Variants in CCDC150 observed in about 807,000 individuals in gnomAD.
CCDC150 encodes the protein coiled-coil domain containing 150.
CCDC150 carries 151 observed loss-of-function variants against 156.5 expected under a neutral mutation model. The observed-to-expected ratio is 0.97, with a 90% CI of 0.85 to 1.10. The LOEUF (loss-of-function observed/expected upper bound fraction) is 1.10. Ranked by LOEUF, CCDC150 falls within the 50% of genes least tolerant of loss-of-function variation. The pLI is 0.00. For synonymous variants in CCDC150, 452 were observed against 429.4 expected (o/e 1.05, Z -0.65); for missense variants, 1,312 against 1,268.1 (o/e 1.03, Z -0.53).
rs1176070601 is a variant in CCDC150, at chr2:196,730,061, A to C, written c.2925A>C (p.Gln975His). The C allele has an allele frequency of 1.2e-6, 2 of 1,613,540 alleles. No individual in the cohort carries two copies. Among genetic ancestry groups the C allele is most frequent in the Non-Finnish European group, 1.7e-6 (2 of 1,179,768 alleles). Residue 975 changes from glutamine to histidine, a missense_variant, in exon 25 of 28, where the codon CAA (glutamine) becomes CAC (histidine). By Grantham distance (24) the Gln-to-His change is conservative. Coordinates refer to ENST00000389175, the MANE Select transcript of CCDC150 (RefSeq NM_001080539.2). The stretch of plus-strand genomic sequence containing the variant: ...ATGCCTCAGTGCGGAATAAACAGCA[A>C]GAGCTGCACCTAGAAGCAGAGCGGA... ...QYDASVRNKQ[Q>H]ELHLEAERKI...
intron 17 of CCDC150, among the ~76,000 whole-genome samples, chr2:196,716,757 G>A (rs1184391779): frequency 6.7e-6 from 1 of 148,976 alleles, no homozygotes; most frequent in Non-Finnish European, 1.5e-5. Context: ...GTAGCTTATT[G>A]TATATCAGTT....
At chr2:196,674,146 A>G (rs1694360995) in intron 9 of CCDC150, 95 bp from the exon 10 acceptor site, 1 of 737,408 alleles carries the variant, frequency 1.4e-6, no homozygotes, top group Non-Finnish European at 2.3e-6. Context: ...TCATATATAC[A>G]GTGAGATACT....
chr2:196,702,757 C>T (rs752791149), intron 15 of CCDC150, among the ~76,000 whole-genome samples: 2 of 151,442 alleles, frequency 1.3e-5, no homozygotes, highest in African/African-American at 4.9e-5. Flanking sequence ...GCTTGGCAAC[C>T]GTCCTAGTCT....
intron 2 of CCDC150, among the ~76,000 whole-genome samples, chr2:196,655,039 A>G (rs1481040270): frequency 1.3e-5 from 2 of 152,222 alleles, no homozygotes; most frequent in African/African-American, 4.8e-5. Context: ...GCAGCTGAAA[A>G]TATTAGGGTG....
At chr2:196,663,420 G>C (rs1693665767) in intron 5 of CCDC150, among the ~76,000 whole-genome samples, 1 of 152,078 alleles carries the variant, frequency 6.6e-6, no homozygotes, top group African/African-American at 2.4e-5. Flanking sequence ...TCATTTATTG[G>C]ATCAGAAGAG....
Position 196,712,710 on chromosome 2 carries a change from C to T in CCDC150, c.1837C>T (p.Leu613=). Residue 613 remains leucine, a synonymous_variant, in exon 17 of 28, where the codon CTG becomes TTG. Transcript: ENST00000389175. ...AGAACTCAGTGCCAAGAGGGTACAC[C>T]TGCAGCAGGCAGATGCTCACCTGAA... is the stretch of plus-strand genomic sequence containing the variant. ...NSELSAKRVH[L]QQADAHLKEV... The T allele has an allele frequency of 6.2e-7, 1 of 1,611,026 alleles. No individual in the cohort carries two copies. Among genetic ancestry groups the T allele is most frequent in the South Asian group, 1.1e-5 (1 of 90,286 alleles).
At chr2:196,713,478 T>A (rs761177793) in intron 17 of CCDC150, 5 of 1,550,818 alleles carry the variant, frequency 3.2e-6, no homozygotes, top group Non-Finnish European at 3.5e-6. Flanking sequence ...CCTAGTGTTA[T>A]TCCAAACTCT....
intron 5 of CCDC150, among the ~76,000 whole-genome samples, chr2:196,661,422 G>A (rs555861991): frequency 6.6e-6 from 1 of 152,214 alleles, no homozygotes; most frequent in African/African-American, 2.4e-5. Flanking sequence ...TTATTTGTGT[G>A]TACCCATCCC....
chr2:196,702,909 C>G (rs936839600), intron 15 of CCDC150, among the ~76,000 whole-genome samples: 1 of 152,102 alleles, frequency 6.6e-6, no homozygotes, highest in African/African-American at 2.4e-5. Flanking sequence ...CATGTCATGG[C>G]AGAAAGCAGA....
At chr2:196,687,850 C>G (rs1695208560) in intron 13 of CCDC150, among the ~76,000 whole-genome samples, 1 of 152,074 alleles carries the variant, frequency 6.6e-6, no homozygotes, top group Admixed American at 6.6e-5. Context: ...ATTTATTTAA[C>G]AGGGAATCCT....
intron 15 of CCDC150, among the ~76,000 whole-genome samples, chr2:196,707,479 T>G (rs887606266): frequency 6.6e-6 from 1 of 152,216 alleles, no homozygotes; most frequent in Admixed American, 6.5e-5. Context: ...TCCTTGATTT[T>G]TTTGAAGGGT....
intron 13 of CCDC150, among the ~76,000 whole-genome samples, chr2:196,688,301 T>C (rs1695234425): frequency 6.6e-6 from 1 of 152,158 alleles, no homozygotes; most frequent in Non-Finnish European, 1.5e-5. Context: ...GTAGTTCTTG[T>C]AGAGACCTTT....
chr2:196,665,709 G>T, intron 6 of CCDC150, 26 bp downstream of exon 6: 1 of 1,409,898 alleles, frequency 7.1e-7, no homozygotes, highest in South Asian at 1.4e-5. Flanking sequence ...CTCCTTATGT[G>T]GTTTGGGAAA....
rs189234055 is a variant in CCDC150, at chr2:196,709,189, G to T, written c.1696-2956G>T. 2.8e-3 allele frequency among the ~76,000 whole-genome samples: 419 copies of T among 152,252 alleles called. 1 individual carries two copies. The highest frequency in any genetic ancestry group is 4.3e-3 in the Non-Finnish European group (295 of 68,024). On this transcript the variant is annotated intron_variant, in intron 15 of 27. Transcript: ENST00000389175. Reference sequence around the variant, plus strand: ...TTACATAGTCCCATATTTCTTGGAGGCTTTGTTGATTTCTTTTTACTCTTT... The same window carrying T: ...TTACATAGTCCCATATTTCTTGGAGTCTTTGTTGATTTCTTTTTACTCTTT...
At position 196,653,140 on chromosome 2, in the gene CCDC150, ATTTGGC is replaced by A. The variant is rs1293211348; in HGVS notation, c.177-3490_177-3485del. ...TTTTCCCATTGCGTTGGCTATTAGC[ATTTGGC>A]TTCCTTTTAGTCATGCTAATCTCTC... On this transcript the variant is annotated intron_variant, in intron 2 of 27. Coordinates refer to ENST00000389175, the MANE Select transcript of CCDC150 (RefSeq NM_001080539.2). Among the ~76,000 whole-genome samples, 3 of 152,314 alleles carry A rather than the reference ATTTGGC, an allele frequency of 2.0e-5. No individual in the cohort carries two copies. The East Asian group carries it at 5.8e-4, about 29-fold the overall frequency.
intron 18 of CCDC150, 94 bp from the exon 19 acceptor site, chr2:196,719,403 C>A: frequency 1.0e-6 from 1 of 999,064 alleles, no homozygotes; most frequent in Non-Finnish European, 1.4e-6. Flanking sequence ...TGCTTGTCTG[C>A]TTTCCATGCT....
intron 13 of CCDC150, among the ~76,000 whole-genome samples, chr2:196,691,954 A>AAC (rs1263420762): frequency 1.3e-5 from 2 of 151,984 alleles, no homozygotes; most frequent in African/African-American, 2.4e-5. Flanking sequence ...AACAAAACAA[A>AAC]AACAGCTCCT....
intron 21 of CCDC150, among the ~76,000 whole-genome samples, chr2:196,722,416 C>T (rs1205706804): frequency 6.6e-6 from 1 of 150,792 alleles, no homozygotes; most frequent in Non-Finnish European, 1.5e-5. Context: ...GCTGGAACTA[C>T]AGGCATGCAT....
intron 13 of CCDC150, among the ~76,000 whole-genome samples, chr2:196,685,205 T>G (rs745615850): frequency 6.6e-6 from 1 of 152,168 alleles, no homozygotes; most frequent in African/African-American, 2.4e-5. Flanking sequence ...TATTCTGTAT[T>G]TTGGTTTATA....
Sources: gnomAD v4.1 joint callset for allele counts (sites outside exome capture counted in the v4.1 genomes callset) on GRCh38, gnomAD v4.1.1 for gene constraint, MANE v1.5 for transcripts, NCBI Gene and HGNC (gene_info 2026-07-23, HGNC 2026-07-21) for gene names.